The following FSTL5 variants were observed in gnomAD, a reference collection of about 807,000 sequenced individuals.
FSTL5 encodes the protein follistatin-related protein 5.
FSTL5 carries 62 observed loss-of-function variants against 89.1 expected under a neutral mutation model. The ratio of observed to expected loss-of-function variants is 0.70; its 90% CI spans 0.57 to 0.86. The LOEUF (loss-of-function observed/expected upper bound fraction) is 0.86, where lower values mean the gene tolerates loss of function less well. FSTL5 is among the 40% of genes least tolerant of loss of function. FSTL5 has a pLI of 0.00. For missense variants in FSTL5, 1,057 were observed against 1,001.6 expected, an observed-to-expected ratio of 1.06 and a Z score of -0.75; for synonymous variants, 383 against 346.2, an observed-to-expected ratio of 1.11 and a Z score of -1.18.
intron 1 of FSTL5, among the ~76,000 whole-genome samples, chr4:162,138,774 C>T (rs1732612453): frequency 6.6e-6 from 1 of 151,856 alleles, no homozygotes; most frequent in African/African-American, 2.4e-5. Context: ...TTTGATGAAA[C>T]AAAAGAAGAA....
rs1442257814 is a variant in FSTL5 at position 161,705,950 on chromosome 4, GTGTATATATATATATATATATA to G, written c.728-49478_728-49457del. On this transcript the variant is annotated intron_variant, in intron 6 of 15. Coordinates refer to ENST00000306100, the MANE Select transcript of FSTL5 (RefSeq NM_020116.5). Reference sequence around the variant, plus strand: ...CATATGCATGTGTGTGTGTAGATGTGTGTATATATATATATATATATATATATATATATATATATATATATAC... The same window carrying G: ...CATATGCATGTGTGTGTGTAGATGTGTATATATATATATATATATATATAC... Among the ~76,000 whole-genome samples the G allele has an allele frequency of 1.1e-4, 2 of 18,626 alleles. 1 individual carries two copies. Among genetic ancestry groups the G allele is most frequent in the East Asian group, 4.7e-3 (2 of 428 alleles). The allele number at this position is 18,626 out of a possible 152,430, so 12.2% of individuals were successfully genotyped here.
intron 1 of FSTL5, among the ~76,000 whole-genome samples, chr4:162,123,994 C>A (rs1731971895): frequency 6.6e-6 from 1 of 152,048 alleles, no homozygotes; most frequent in Non-Finnish European, 1.5e-5. Flanking sequence ...CTTTCAAATT[C>A]TTGATAATCT....
chr4:161,679,535 ATGTTGGCTCTTG>A, intron 6 of FSTL5, among the ~76,000 whole-genome samples: 1 of 151,972 alleles, frequency 6.6e-6, no homozygotes, highest in East Asian at 1.9e-4. Context: ...TTCCTACACT[ATGTTGGCTCTTG>A]TATTGGAAAA....
chr4:162,072,874 A>C (rs1422099863), intron 2 of FSTL5, among the ~76,000 whole-genome samples: 1 of 151,782 alleles, frequency 6.6e-6, no homozygotes, highest in Non-Finnish European at 1.5e-5. Context: ...AGCAAACACT[A>C]AATCCTCAGT....
chr4:161,834,139 T>C (rs1730948113), intron 4 of FSTL5, among the ~76,000 whole-genome samples: 1 of 152,298 alleles, frequency 6.6e-6, no homozygotes, highest in Admixed American at 6.5e-5. Context: ...GATGCAAGGC[T>C]GGTTCAATAT....
chr4:161,422,262 T>C (rs978108560), intron 15 of FSTL5, among the ~76,000 whole-genome samples: 7 of 152,118 alleles, frequency 4.6e-5, no homozygotes, highest in African/African-American at 1.7e-4. Context: ...TTTAGAACAC[T>C]GTAAATGTTA....
chr4:161,885,186 C>T (rs981432152), intron 4 of FSTL5, among the ~76,000 whole-genome samples: 1 of 152,008 alleles, frequency 6.6e-6, no homozygotes, highest in Non-Finnish European at 1.5e-5. Flanking sequence ...TTGCCATTTA[C>T]GTTGTCCTGT....
intron 8 of FSTL5, among the ~76,000 whole-genome samples, chr4:161,572,947 G>C (rs1209179823): frequency 1.3e-5 from 2 of 152,202 alleles, no homozygotes; most frequent in Admixed American, 1.3e-4. Flanking sequence ...TGATACGGTG[G>C]CTTGATGGTG....
chr4:161,899,812 A>T (rs75458715), intron 4 of FSTL5, among the ~76,000 whole-genome samples: 12 of 152,294 alleles, frequency 7.9e-5, no homozygotes, highest in East Asian at 5.8e-4. Context: ...TACACCTAAC[A>T]GATTGTATTT....
chr4:161,924,880 G>A (rs962391791), intron 3 of FSTL5, among the ~76,000 whole-genome samples: 3 of 151,768 alleles, frequency 2.0e-5, no homozygotes, highest in African/African-American at 7.2e-5. Context: ...TATTTGAGGT[G>A]TTCATTATCT....
chr4:161,571,135 A>C (rs538194816), intron 8 of FSTL5, among the ~76,000 whole-genome samples: 2 of 152,158 alleles, frequency 1.3e-5, no homozygotes, highest in East Asian at 3.9e-4. Context: ...CCAAGGGAAG[A>C]CACGGCCAAG....
Position 161,928,375 on chromosome 4 carries a change from A to C in FSTL5, c.161-7723T>G, listed in dbSNP as rs552260562. Among the ~76,000 whole-genome samples, 17 of 151,932 alleles carry C rather than the reference A, an allele frequency of 1.1e-4. No homozygotes were observed. In the South Asian group the frequency reaches 1.4e-3, roughly 13 times the overall value. On this transcript the variant is annotated intron_variant, in intron 3 of 15. Coordinates refer to ENST00000306100, the MANE Select transcript of FSTL5 (RefSeq NM_020116.5). ...ATAAAGTGAGTTGCTATAAATATTT[A>C]TGTACAGGTTTTTGTGTAAGACACA...
intron 4 of FSTL5, among the ~76,000 whole-genome samples, chr4:161,795,665 T>C (rs1219900951): frequency 6.6e-6 from 1 of 152,094 alleles, no homozygotes; most frequent in Non-Finnish European, 1.5e-5. Flanking sequence ...AATTTCATTA[T>C]TTTGCATGAG....
At chr4:161,872,910 A>T (rs1305141239) in intron 4 of FSTL5, among the ~76,000 whole-genome samples, 1 of 152,208 alleles carries the variant, frequency 6.6e-6, no homozygotes, top group Non-Finnish European at 1.5e-5. Context: ...AGGAGACTCA[A>T]GATGGGATAG....
At chr4:162,098,399 A>G (rs1057070685) in intron 2 of FSTL5, among the ~76,000 whole-genome samples, 1 of 152,028 alleles carries the variant, frequency 6.6e-6, no homozygotes, top group African/African-American at 2.4e-5. Context: ...GCATCTATAT[A>G]TTGATGTATT....
chr4:162,040,280 T>A (rs955428088), intron 2 of FSTL5, among the ~76,000 whole-genome samples: 1 of 152,104 alleles, frequency 6.6e-6, no homozygotes, highest in Non-Finnish European at 1.5e-5. Flanking sequence ...AAGATATTGT[T>A]AGACCCACTA....
At chr4:161,814,950 A>G (rs1012620287) in intron 4 of FSTL5, among the ~76,000 whole-genome samples, 9 of 152,082 alleles carry the variant, frequency 5.9e-5, no homozygotes, top group African/African-American at 2.2e-4. Flanking sequence ...TGCCAACTAT[A>G]CATCTATAGG....
At chr4:161,399,091 A>G (rs1199663326) in intron 15 of FSTL5, among the ~76,000 whole-genome samples, 1 of 152,128 alleles carries the variant, frequency 6.6e-6, no homozygotes, top group African/African-American at 2.4e-5. Context: ...AAAATAAAAT[A>G]AGCGAAGTCT....
intron 4 of FSTL5, among the ~76,000 whole-genome samples, chr4:161,900,553 C>T (rs1482868028): frequency 2.1e-5 from 3 of 143,068 alleles, no homozygotes; most frequent in East Asian, 2.2e-4. Flanking sequence ...GCAGGAGAAT[C>T]GCTTGAACCC....
Sources: allele counts gnomAD v4.1 joint callset (sites outside exome capture counted in the v4.1 genomes callset), GRCh38; gene constraint gnomAD v4.1.1; transcripts MANE v1.5; gene names NCBI Gene and HGNC (gene_info 2026-07-23, HGNC 2026-07-21).